Variants in NRG1 observed in about 807,000 individuals in gnomAD.
NRG1 encodes the protein neuregulin 1.
NRG1 carries 18 observed loss-of-function variants against 63.8 expected under a neutral mutation model. That is an observed-to-expected ratio of 0.28 (90% CI 0.19 to 0.42). The LOEUF (loss-of-function observed/expected upper bound fraction) is 0.42. Ranked by LOEUF, NRG1 falls within the 10% of genes least tolerant of loss-of-function variation. NRG1 has a pLI of 1.00. For missense variants in NRG1, 762 were observed against 814.7 expected (o/e 0.94, Z 0.79); for synonymous variants, 302 against 301.3 (o/e 1.00, Z -0.02).
intron 1 of NRG1, among the ~76,000 whole-genome samples, chr8:32,429,996 G>T (rs575928667): frequency 6.6e-6 from 1 of 152,298 alleles, no homozygotes; most frequent in East Asian, 1.9e-4. Context: ...ATATGTGTGT[G>T]TATGGAAACT....
At chr8:31,742,421 A>G (rs1815371471) in intron 1 of NRG1, among the ~76,000 whole-genome samples, 1 of 146,556 alleles carries the variant, frequency 6.8e-6, no homozygotes, top group Admixed American at 6.9e-5. Context: ...TAGGAATGAT[A>G]TGGAACCAGC....
chr8:31,985,052 T>C (rs2129631425), intron 1 of NRG1, among the ~76,000 whole-genome samples: 1 of 152,252 alleles, frequency 6.6e-6, no homozygotes, highest in African/African-American at 2.4e-5. Context: ...AAAGGTGATC[T>C]CAATTGCTAT....
At chr8:32,510,479 T>A (rs1005453384) in intron 1 of NRG1, among the ~76,000 whole-genome samples, 7 of 151,894 alleles carry the variant, frequency 4.6e-5, no homozygotes, top group African/African-American at 1.7e-4. Flanking sequence ...GATGAAGACC[T>A]GTTTTCTACT....
chr8:32,034,232 G>C (rs1818697682), intron 1 of NRG1, among the ~76,000 whole-genome samples: 1 of 152,124 alleles, frequency 6.6e-6, no homozygotes, highest in African/African-American at 2.4e-5. Flanking sequence ...CATTGGTTCT[G>C]TTTATGTGAT....
intron 1 of NRG1, among the ~76,000 whole-genome samples, chr8:32,021,401 C>G (rs1003837495): frequency 3.3e-5 from 5 of 152,164 alleles, no homozygotes; most frequent in African/African-American, 7.2e-5. Context: ...ACAACCCACT[C>G]TGGTGGAAAC....
At position 31,991,356 on chromosome 8, in the gene NRG1, T is replaced by A. The variant is rs370971032; in HGVS notation, c.37+351925T>A. Among the ~76,000 whole-genome samples the A allele has an allele frequency of 1.6e-4, 18 of 113,940 alleles. No homozygotes were observed. The South Asian group carries it at 5.6e-3, about 35-fold the overall frequency. 74.7% of individuals were successfully genotyped at this position (113,940 alleles called of 152,430 possible). On this transcript the variant is annotated intron_variant, in intron 1 of 10. Transcript: ENST00000519301. Reference sequence around the variant, plus strand: ...CTCTTTCTTTCCTCTTTATTTTTCTTCTTTCTTTCCTCCTCCTCCTCCTCT... The same window carrying A: ...CTCTTTCTTTCCTCTTTATTTTTCTACTTTCTTTCCTCCTCCTCCTCCTCT...
intron 5 of NRG1, chr8:32,647,449 G>A (rs1853856498): frequency 1.0e-6 from 1 of 985,284 alleles, no homozygotes; most frequent in Non-Finnish European, 1.2e-6. Flanking sequence ...ACGAGCCCGG[G>A]ATGGTTTGGA....
chr8:32,549,325 C>T (rs987117622), intron 1 of NRG1, among the ~76,000 whole-genome samples: 1 of 152,302 alleles, frequency 6.6e-6, no homozygotes, highest in Non-Finnish European at 1.5e-5. Context: ...CAAGAGGCCG[C>T]GTGGGAAGTT....
chr8:32,453,420 C>T (rs958053746), intron 1 of NRG1, among the ~76,000 whole-genome samples: 4 of 152,072 alleles, frequency 2.6e-5, no homozygotes, highest in Non-Finnish European at 5.9e-5. Context: ...AGTAAATCAC[C>T]GTATAAGGGG....
intron 1 of NRG1, among the ~76,000 whole-genome samples, chr8:32,288,988 C>T (rs2129473876): frequency 6.6e-6 from 1 of 152,252 alleles, no homozygotes; most frequent in African/African-American, 2.4e-5. Flanking sequence ...TATAACCACG[C>T]AAACTGGCTA....
chr8:32,665,590 A>G (rs1803928742), intron 5 of NRG1, among the ~76,000 whole-genome samples: 1 of 152,182 alleles, frequency 6.6e-6, no homozygotes, highest in Admixed American at 6.6e-5. Flanking sequence ...TTCCAGGGAA[A>G]GGAATAGTTC....
intron 5 of NRG1, among the ~76,000 whole-genome samples, chr8:32,636,812 G>T (rs1354828276): frequency 2.6e-5 from 4 of 152,068 alleles, no homozygotes; most frequent in East Asian, 1.9e-4. Context: ...AAAATTATAT[G>T]AATCTTTTAC....
chr8:32,040,195 C>G (rs1471214002), intron 1 of NRG1, among the ~76,000 whole-genome samples: 1 of 152,082 alleles, frequency 6.6e-6, no homozygotes, highest in Non-Finnish European at 1.5e-5. Flanking sequence ...TACCAATAAA[C>G]TCCAAAAAAG....
At chr8:31,816,460 T>C (rs904061862) in intron 1 of NRG1, among the ~76,000 whole-genome samples, 1 of 152,242 alleles carries the variant, frequency 6.6e-6, no homozygotes, top group Non-Finnish European at 1.5e-5. Flanking sequence ...TTTAAGGAAG[T>C]AGAAAACTCT....
chr8:32,246,481 C>G (rs193108845), intron 1 of NRG1, among the ~76,000 whole-genome samples: 1 of 152,238 alleles, frequency 6.6e-6, no homozygotes, highest in South Asian at 2.1e-4. Context: ...GAAGCTTCTG[C>G]CCCAAATGAA....
intron 1 of NRG1, among the ~76,000 whole-genome samples, chr8:32,209,481 A>G (rs1193228183): frequency 6.6e-6 from 1 of 152,152 alleles, no homozygotes; most frequent in African/African-American, 2.4e-5. Context: ...AAATTTATAC[A>G]TACCTTTCAG....
At chr8:31,852,533 C>T (rs1362966995) in intron 1 of NRG1, among the ~76,000 whole-genome samples, 2 of 151,908 alleles carry the variant, frequency 1.3e-5, no homozygotes, top group African/African-American at 2.4e-5. Context: ...GAGTAGGTTG[C>T]AAAAATTTTC....
rs546805170 is a variant in NRG1 at position 32,439,960 on chromosome 8, T to C, written c.38-155868T>C. Among the ~76,000 whole-genome samples the C allele has an allele frequency of 6.0e-4, 91 of 152,122 alleles. 1 individual carries two copies. In the South Asian group the frequency reaches 8.7e-3, roughly 15 times the overall value. On this transcript the variant is annotated intron_variant, in intron 1 of 10. Transcript: ENST00000519301. ...CCTGGTATATTAGTTTATTTTCACA[T>C]TGCTGTAAAGAACTACCTGAGCATG...
At chr8:32,729,043 G>C (rs956440551) in intron 6 of NRG1, among the ~76,000 whole-genome samples, 3 of 152,134 alleles carry the variant, frequency 2.0e-5, no homozygotes, top group African/African-American at 7.2e-5. Context: ...ACTCCAGCCT[G>C]GGTGACAGAG....
Sources: allele counts gnomAD v4.1 joint callset (sites outside exome capture counted in the v4.1 genomes callset), GRCh38; gene constraint gnomAD v4.1.1; transcripts MANE v1.5; gene names NCBI Gene and HGNC (gene_info 2026-07-23, HGNC 2026-07-21).